Variants in CTR9 observed in about 807,000 individuals in gnomAD.
CTR9 encodes CTR9 component of Paf1/RNA polymerase II complex, also known as RNA polymerase-associated protein CTR9 homolog.
In CTR9, 41 loss-of-function variants were observed where a neutral mutation model predicts 152.1. The observed-to-expected ratio is 0.27, with a 90% CI of 0.21 to 0.35. The LOEUF is 0.35. CTR9 is among the 10% of genes least tolerant of loss of function. CTR9 has a pLI of 1.00. For synonymous variants in CTR9, 476 were observed against 496.2 expected (o/e 0.96, Z 0.54); for missense variants, 917 against 1,424.4 (o/e 0.64, Z 5.73).
In CTR9 at chr11:10,751,249, G is replaced by A; in HGVS notation, c.-164G>A. The A allele has an allele frequency of 1.4e-6, 1 of 691,920 alleles. No individual in the cohort carries two copies. The highest frequency in any genetic ancestry group is 2.4e-6 in the Non-Finnish European group (1 of 411,606). 42.9% of individuals were successfully genotyped at this position (691,920 alleles called of 1,614,324 possible). On this transcript the variant is annotated 5_prime_UTR_variant, in exon 1 of 25. Coordinates refer to ENST00000361367, the MANE Select transcript of CTR9 (RefSeq NM_014633.5). ...GGCCGTCCGCCGTCCGCTGCTCGTT[G>A]TTTAAGCGGCTGACGGGAAGGAGAA... is the stretch of plus-strand genomic sequence containing the variant.
At chr11:10,756,698 G>T in intron 4 of CTR9, 51 bp from the exon 5 acceptor site, 2 of 1,293,822 alleles carry the variant, frequency 1.5e-6, no homozygotes, top group South Asian at 2.5e-5. Context: ...AAACATAATA[G>T]ACTTGTAGCC....
rs1394480075 is a variant in CTR9, at chr11:10,768,455, T to C, written c.2073T>C (p.Tyr691=). 1.2e-6 allele frequency: 2 copies of C among 1,613,080 alleles called. No individual in the cohort carries two copies. Among genetic ancestry groups the C allele is most frequent in the Admixed American group, 3.3e-5 (2 of 59,776 alleles). Residue 691 remains tyrosine (Y), a synonymous_variant, in exon 16 of 25, where the codon TAT becomes TAC. Transcript: ENST00000361367. The part of the protein sequence containing the change: ...SDVWLNLAHI[Y]VEQKQYISAV... ...TGTGGCTGAACTTAGCACACATCTA[T>C]GTGGAGCAAAAGCAGTACATCAGCG... is the stretch of plus-strand genomic sequence containing the variant.
In CTR9 at chr11:10,752,756, T is replaced by C; in HGVS notation, c.130T>C (p.Trp44Arg). Residue 44 changes from tryptophan to arginine, a missense_variant, in exon 2 of 25, where the codon TGG (tryptophan) becomes CGG (arginine). Physicochemically the swap from Trp to Arg is moderately radical, Grantham distance 101. Around this residue, in one of 9 missense-constraint regions of CTR9, gnomAD observed 67 missense variants for 106.9 expected, o/e 0.63. Transcript: ENST00000361367. Reference sequence around the variant, plus strand: ...ACAGGAACACACACAACTGCACATATGGATTGCTTTGGCGGTCAGTATTCA... The same window carrying C: ...ACAGGAACACACACAACTGCACATACGGATTGCTTTGGCGGTCAGTATTCA... ...LKQEHTQLHI[W>R]IALALEYYKQ... 6.2e-7 allele frequency: 1 copy of C among 1,613,430 alleles called. No individual in the cohort carries two copies. Among genetic ancestry groups the C allele is most frequent in the Non-Finnish European group, 8.5e-7 (1 of 1,179,414 alleles).
At chr11:10,771,264 C>T (rs1032067365) in intron 18 of CTR9, among the ~76,000 whole-genome samples, 2 of 152,114 alleles carry the variant, frequency 1.3e-5, no homozygotes, top group Non-Finnish European at 2.9e-5. Flanking sequence ...GCCTGAGCCC[C>T]GTAACCTCCA....
Position 10,756,754 on chromosome 11 carries a change from G to A in CTR9, c.508G>A (p.Ala170Thr). Residue 170 changes from alanine to threonine, a missense_variant, in exon 5 of 25, where the codon GCT becomes ACT. By Grantham distance (58) the Ala-to-Thr change is moderately conservative. Transcript: ENST00000361367. ...ATTTTTAAAAATCATTACAGGTAAA[G>A]CTTGCATTTCCTTCAACAAGAAGGA... ...PNNIPALLGK[A>T]CISFNKKDYR... The A allele has an allele frequency of 6.2e-7, 1 of 1,609,464 alleles. No individual in the cohort carries two copies. The highest frequency in any genetic ancestry group is 8.5e-7 in the Non-Finnish European group (1 of 1,177,716).
chr11:10,766,411 G>A lies in CTR9; in HGVS notation c.1607G>A (p.Arg536His), dbSNP rs966128559. The A allele has an allele frequency of 1.9e-6, 3 of 1,608,388 alleles. No homozygotes were observed. The highest frequency in any genetic ancestry group is 1.7e-4 in the Middle Eastern group (1 of 6,052). ...EHPNYVDCYLRLGAMARDKGN... is the reference protein window; with the variant it reads ...EHPNYVDCYLHLGAMARDKGN... ...TTAAATATGTTTTCAGGCTATTTGC[G>A]CCTAGGAGCCATGGCTAGAGATAAG... Residue 536 changes from arginine (R) to histidine (H), a missense_variant, in exon 13 of 25, where the codon CGC becomes CAC. Around this residue, in one of 9 missense-constraint regions of CTR9, gnomAD observed 87 missense variants for 235.7 expected, o/e 0.37. Coordinates refer to ENST00000361367, the MANE Select transcript of CTR9 (RefSeq NM_014633.5).
At chr11:10,757,551 C>G (rs994950929) in intron 5 of CTR9, among the ~76,000 whole-genome samples, 1 of 152,160 alleles carries the variant, frequency 6.6e-6, no homozygotes, top group Non-Finnish European at 1.5e-5. Flanking sequence ...GCACTCCAGC[C>G]TGGGCAACAG....
intron 13 of CTR9, chr11:10,766,979 GTTTCACAAATCATTAT>G: frequency 6.5e-6 from 1 of 152,732 alleles, no homozygotes; most frequent in Middle Eastern, 3.4e-3. Flanking sequence ...TGAAATGAAA[GTTTCACAAATCATTAT>G]TTGCTTTTGC....
At chr11:10,752,632 A>G in intron 1 of CTR9, 40 bp from the exon 2 acceptor site, 2 of 1,389,734 alleles carry the variant, frequency 1.4e-6, no homozygotes, top group Non-Finnish European at 2.0e-6. Flanking sequence ...TGTGAATTTT[A>G]AAGTGGAATA....
At chr11:10,763,618 G>A (rs946353169) in intron 8 of CTR9, 25 bp from the exon 9 acceptor site, 1 of 1,578,352 alleles carries the variant, frequency 6.3e-7, no homozygotes. Flanking sequence ...GTACATATTG[G>A]TCTTTTTTAA....
intron 21 of CTR9, 40 bp from the exon 22 acceptor site, chr11:10,773,972 A>G: frequency 6.7e-7 from 1 of 1,484,778 alleles, no homozygotes; most frequent in Non-Finnish European, 9.2e-7. Context: ...ACATTCCACC[A>G]ACCAGGAAAT....
chr11:10,779,514 T>C lies in CTR9; in HGVS notation c.*409T>C, dbSNP rs560742252. ...TTGGTATTGATGTCTTTATTCCATT[T>C]TGAGTTTAGATTGAGAATATTTTTA... On this transcript the variant is annotated 3_prime_UTR_variant, in exon 25 of 25. Transcript: ENST00000361367. 2.4e-5 allele frequency: 4 copies of C among 169,012 alleles called. No homozygotes were observed. Among genetic ancestry groups the C allele is most frequent in the East Asian group, 1.7e-4 (1 of 5,930 alleles). 10.5% of individuals were successfully genotyped at this position (169,012 alleles called of 1,614,324 possible).
chr11:10,771,487 G>A (rs1276340010), intron 18 of CTR9, 58 bp from the exon 19 acceptor site: 3 of 1,283,226 alleles, frequency 2.3e-6, no homozygotes, highest in Non-Finnish European at 3.4e-6. Flanking sequence ...TTTTTTAAGA[G>A]CTTTATTTCA....
intron 19 of CTR9, 58 bp downstream of exon 19, chr11:10,771,674 T>TG: frequency 7.9e-7 from 1 of 1,271,708 alleles, no homozygotes; most frequent in Non-Finnish European, 1.2e-6. Flanking sequence ...TTACATGGGC[T>TG]GGGAAAGTGC....
intron 11 of CTR9, 31 bp from the exon 12 acceptor site, chr11:10,764,517 C>CT (rs1564968305): frequency 6.2e-7 from 1 of 1,604,300 alleles, no homozygotes; most frequent in Non-Finnish European, 8.5e-7. Flanking sequence ...TAAACTAAAT[C>CT]TTTTAACAGT....
At chr11:10,778,232 T>C (rs1287188465) in intron 24 of CTR9, among the ~76,000 whole-genome samples, 1 of 152,184 alleles carries the variant, frequency 6.6e-6, no homozygotes, top group Non-Finnish European at 1.5e-5. Context: ...GAAATGTCCT[T>C]TGAAACCCTT....
intron 22 of CTR9, 168 bp downstream of exon 22, chr11:10,774,337 C>T: frequency 3.0e-6 from 2 of 674,558 alleles, no homozygotes; most frequent in Non-Finnish European, 4.7e-6. Flanking sequence ...AGTACAAAAT[C>T]CACTGAGTAC....
At chr11:10,755,906 G>A in intron 4 of CTR9, 111 bp downstream of exon 4, 3 of 588,384 alleles carry the variant, frequency 5.1e-6, no homozygotes, top group Non-Finnish European at 6.1e-6. Flanking sequence ...AAGTAGAAGA[G>A]CTTTATGTTG....
rs1157383118 is a variant in CTR9, at chr11:10,773,323, G to A, written c.2727+50G>A. The A allele has an allele frequency of 8.2e-6, 13 of 1,587,238 alleles. No individual in the cohort carries two copies. The Admixed American group carries it at 2.6e-4, about 31-fold the overall frequency. Reference sequence around the variant, plus strand: ...AAGTGACCTCATTCTCTGTCTTTTGGCTTTGAGAAATGAGGATAATTGGTT... The same window carrying A: ...AAGTGACCTCATTCTCTGTCTTTTGACTTTGAGAAATGAGGATAATTGGTT... On this transcript the variant is annotated intron_variant, in intron 21 of 24. Transcript: ENST00000361367.
Sources: allele counts gnomAD v4.1 joint callset (sites outside exome capture counted in the v4.1 genomes callset), GRCh38; gene constraint gnomAD v4.1.1; regional missense constraint gnomAD v4.1.1; transcripts MANE v1.5; gene names NCBI Gene and HGNC (gene_info 2026-07-23, HGNC 2026-07-21).